Variants in SLFN14 observed in about 807,000 individuals in gnomAD.
The protein encoded by SLFN14 is schlafen family member 14, also known as protein SLFN14.
A neutral mutation model predicts 58.6 loss-of-function variants in SLFN14; 47 were observed. The observed-to-expected ratio is 0.80, with a 90% confidence interval of 0.64 to 1.02. SLFN14 has a LOEUF of 1.02. Among genes scored for constraint, SLFN14 ranks in the 50% least tolerant of loss-of-function variants. The pLI, the probability that SLFN14 is intolerant of heterozygous loss-of-function variation, is 0.00. For synonymous variants in SLFN14, 390 were observed against 387.3 expected, an observed-to-expected ratio of 1.01 and a Z score of -0.08; for missense variants, 967 against 1,078.4, an observed-to-expected ratio of 0.90 and a Z score of 1.45.
chr17:35,550,306 G>C (rs1396812283), intron 5 of SLFN14, among the ~76,000 whole-genome samples: 1 of 152,226 alleles, frequency 6.6e-6, no homozygotes, highest in South Asian at 2.1e-4. Context: ...AGCACTTTGC[G>C]AGAAGGAGGT....
chr17:35,560,179 A>G (rs999901487), intron 1 of SLFN14, among the ~76,000 whole-genome samples: 7 of 152,256 alleles, frequency 4.6e-5, no homozygotes, highest in African/African-American at 1.7e-4. Flanking sequence ...CCCACAAAAC[A>G]AATCTAATTG....
In SLFN14 at chr17:35,557,564, A is replaced by C; in HGVS notation, c.499T>G (p.Leu167Val). The C allele has an allele frequency of 6.4e-7, 1 of 1,551,612 alleles. No homozygotes were observed. The highest frequency in any genetic ancestry group is 1.2e-5 in the South Asian group (1 of 84,060). Residue 167 changes from leucine to valine, a missense_variant, in exon 3 of 6, where the codon TTG (leucine) becomes GTG (valine). Coordinates refer to ENST00000674182, the MANE Select transcript of SLFN14 (RefSeq NM_001129820.2). Reference protein sequence around the residue: ...AQRGRPRVKKLHPQQVLNRCI... With the variant: ...AQRGRPRVKKVHPQQVLNRCI... Reference sequence around the variant, plus strand: ...CTATTGAGAACCTGCTGAGGATGCAACTTCTTCACCCTTGGTCTTCCTCTT... The same window carrying C: ...CTATTGAGAACCTGCTGAGGATGCACCTTCTTCACCCTTGGTCTTCCTCTT...
chr17:35,550,030 C>T (rs987073854), intron 5 of SLFN14, among the ~76,000 whole-genome samples: 4 of 152,160 alleles, frequency 2.6e-5, no homozygotes, highest in African/African-American at 9.7e-5. Flanking sequence ...CTGGCGTCTA[C>T]CTCCTTTTCA....
rs1404889359 is a variant in SLFN14, at chr17:35,557,647, A to C, written c.416T>G (p.Ile139Ser). 1 of 1,551,708 alleles carries C rather than the reference A, an allele frequency of 6.4e-7. No homozygotes were observed. Among genetic ancestry groups the C allele is most frequent in the African/African-American group, 1.4e-5 (1 of 73,170 alleles). Reference protein sequence around the residue: ...NLYRRDVTSAINLSASSALEL... With the variant: ...NLYRRDVTSASNLSASSALEL... ...CAGGGCACTGCTAGCACTCAAGTTG[A>C]TAGCAGAAGTCACATCTCTCCGATA... The change falls in exon 3 of 6, where the codon ATC (isoleucine) becomes AGC (serine). Residue 139 changes from isoleucine (I) to serine (S), a missense_variant. By Grantham distance (142) the Ile-to-Ser change is moderately radical (BLOSUM62 -2). Transcript: ENST00000674182.
chr17:35,552,438 A>G (rs1219220543), intron 5 of SLFN14, among the ~76,000 whole-genome samples: 1 of 152,040 alleles, frequency 6.6e-6, no homozygotes, highest in African/African-American at 2.4e-5. Context: ...ACAAGAGGTA[A>G]AGAAATAGCC....
chr17:35,546,303 G>A lies in SLFN14; in HGVS notation c.*1936C>T, dbSNP rs568610688. ...AACTACCCTAAAGCCCCCAAGGAAAGGTAAAAAGGAAGAAACACCAGGTAA... is the reference window on the plus strand; with the variant it reads ...AACTACCCTAAAGCCCCCAAGGAAAAGTAAAAAGGAAGAAACACCAGGTAA... On this transcript the variant is annotated 3_prime_UTR_variant, in exon 6 of 6. Coordinates refer to ENST00000674182, the MANE Select transcript of SLFN14 (RefSeq NM_001129820.2). Among the ~76,000 whole-genome samples the A allele has an allele frequency of 7.9e-5, 12 of 152,150 alleles. No homozygotes were observed. The highest frequency in any genetic ancestry group is 1.3e-4 in the Non-Finnish European group (9 of 68,026).
chr17:35,548,184 G>T lies in SLFN14; in HGVS notation c.*55C>A. On this transcript the variant is annotated 3_prime_UTR_variant, in exon 6 of 6. Transcript: ENST00000674182. ...TATTAAAATGGAGTCACTGCTACCT[G>T]TCTAGGAGAAAGGACTCTGCTCTTC... 6.8e-7 allele frequency: 1 copy of T among 1,479,154 alleles called. No individual in the cohort carries two copies. The highest frequency in any genetic ancestry group is 9.1e-7 in the Non-Finnish European group (1 of 1,095,990). The allele number at this position is 1,479,154 out of a possible 1,614,324, so 91.6% of individuals were successfully genotyped here.
intron 5 of SLFN14, among the ~76,000 whole-genome samples, chr17:35,549,777 A>G (rs987345953): frequency 6.6e-6 from 1 of 152,202 alleles, no homozygotes; most frequent in African/African-American, 2.4e-5. Flanking sequence ...ATGATTTTAC[A>G]TATGCAGTTC....
rs1394571318 is a variant in SLFN14 at position 35,552,712 on chromosome 17, A to T, written c.1904+18T>A. The T allele has an allele frequency of 2.0e-6, 3 of 1,513,664 alleles. No individual in the cohort carries two copies. Among genetic ancestry groups the T allele is most frequent in the Non-Finnish European group, 2.7e-6 (3 of 1,124,372 alleles). 93.8% of individuals were successfully genotyped at this position (1,513,664 alleles called of 1,614,324 possible). The stretch of plus-strand genomic sequence containing the variant: ...CACATACATATTTTTGTGTGTGTGT[A>T]GTTGGTAAAACTCTTACGTCACAAA... On this transcript the variant is annotated intron_variant, in intron 5 of 5. Transcript: ENST00000674182.
At position 35,545,782 on chromosome 17, in the gene SLFN14, G is replaced by T. The variant is rs1267534436; in HGVS notation, c.*2457C>A. On this transcript the variant is annotated 3_prime_UTR_variant, in exon 6 of 6. Coordinates refer to ENST00000674182, the MANE Select transcript of SLFN14 (RefSeq NM_001129820.2). ...GCCTCTCAAAGTTCTGGTATTACAG[G>T]CACCAGCCACTGCACCCTGCCTGGA... Among the ~76,000 whole-genome samples, 2 of 152,090 alleles carry T rather than the reference G, an allele frequency of 1.3e-5. No homozygotes were observed. The highest frequency in any genetic ancestry group is 3.8e-4 in the East Asian group (2 of 5,196).
chr17:35,544,420 C>A lies in SLFN14; in HGVS notation c.*3819G>T, dbSNP rs989407035. Among the ~76,000 whole-genome samples, 2 of 151,652 alleles carry A rather than the reference C, an allele frequency of 1.3e-5. No homozygotes were observed. Among genetic ancestry groups the A allele is most frequent in the Non-Finnish European group, 2.9e-5 (2 of 67,968 alleles). On this transcript the variant is annotated 3_prime_UTR_variant, in exon 6 of 6. Coordinates refer to ENST00000674182, the MANE Select transcript of SLFN14 (RefSeq NM_001129820.2). Reference sequence around the variant, plus strand: ...CATATACGTTATAAAGTTGATGGCACAACTTGATCATAACTGTGTGAAAAT... The same window carrying A: ...CATATACGTTATAAAGTTGATGGCAAAACTTGATCATAACTGTGTGAAAAT...
In SLFN14 at chr17:35,545,402, T is replaced by C. The variant is rs1287938141; in HGVS notation, c.*2837A>G. 6.6e-6 allele frequency among the ~76,000 whole-genome samples: 1 copy of C among 152,120 alleles called. No individual in the cohort carries two copies. Among genetic ancestry groups the C allele is most frequent in the Admixed American group, 6.5e-5 (1 of 15,274 alleles). On this transcript the variant is annotated 3_prime_UTR_variant, in exon 6 of 6. Coordinates refer to ENST00000674182, the MANE Select transcript of SLFN14 (RefSeq NM_001129820.2). Reference sequence around the variant, plus strand: ...ACTCTCAAGGAGCTCACAGTCTTAATAGGAAGAGAAATGTGCACACATTTT... The same window carrying C: ...ACTCTCAAGGAGCTCACAGTCTTAACAGGAAGAGAAATGTGCACACATTTT...
chr17:35,547,635 A>G lies in SLFN14; in HGVS notation c.*604T>C, dbSNP rs936404965. Reference sequence around the variant, plus strand: ...CAAGAGACTGATCTAGACTTGGTACAAAAAGGCAATCAAGTTCTGGACCTG... The same window carrying G: ...CAAGAGACTGATCTAGACTTGGTACGAAAAGGCAATCAAGTTCTGGACCTG... On this transcript the variant is annotated 3_prime_UTR_variant, in exon 6 of 6. Coordinates refer to ENST00000674182, the MANE Select transcript of SLFN14 (RefSeq NM_001129820.2). Among the ~76,000 whole-genome samples, 3 of 152,228 alleles carry G rather than the reference A, an allele frequency of 2.0e-5. No individual in the cohort carries two copies. In the South Asian group the frequency reaches 6.2e-4, roughly 31 times the overall value.
At chr17:35,560,120 T>A (rs1315512533) in intron 1 of SLFN14, among the ~76,000 whole-genome samples, 1 of 152,232 alleles carries the variant, frequency 6.6e-6, no homozygotes, top group Non-Finnish European at 1.5e-5. Context: ...AGAAATGGTC[T>A]CCTTACTTTA....
At chr17:35,558,428 C>T (rs1378607519) in intron 2 of SLFN14, among the ~76,000 whole-genome samples, 1 of 151,656 alleles carries the variant, frequency 6.6e-6, no homozygotes, top group African/African-American at 2.4e-5. Flanking sequence ...CCAAGCCTGG[C>T]TAATTTTTTT....
chr17:35,548,318 T>A lies in SLFN14; in HGVS notation c.2660A>T (p.Glu887Val). ...AGCAAAGCAGAGCTTATGAAATTCC[T>A]CTGACTGGTCACATTCTGGACTAAG... ...FGLSPECDQS[E>V]EFHKLCFASR... Residue 887 changes from glutamate to valine, a missense_variant, in exon 6 of 6, where the codon GAG (glutamate) becomes GTG (valine). Transcript: ENST00000674182. 1 of 1,551,738 alleles carries A rather than the reference T, an allele frequency of 6.4e-7. No individual in the cohort carries two copies. The highest frequency in any genetic ancestry group is 8.7e-7 in the Non-Finnish European group (1 of 1,146,988).
chr17:35,544,402 G>A lies in SLFN14; in HGVS notation c.*3837C>T, dbSNP rs1413479066. Reference sequence around the variant, plus strand: ...TTAAATGGAAAAAGCACACATATACGTTATAAAGTTGATGGCACAACTTGA... The same window carrying A: ...TTAAATGGAAAAAGCACACATATACATTATAAAGTTGATGGCACAACTTGA... On this transcript the variant is annotated 3_prime_UTR_variant, in exon 6 of 6. Coordinates refer to ENST00000674182, the MANE Select transcript of SLFN14 (RefSeq NM_001129820.2). Among the ~76,000 whole-genome samples the A allele has an allele frequency of 1.1e-4, 15 of 132,286 alleles. 1 individual carries two copies. In the South Asian group the frequency reaches 1.5e-3, roughly 14 times the overall value. The allele number at this position is 132,286 out of a possible 152,430, so 86.8% of individuals were successfully genotyped here. A position where few individuals can be genotyped will look rare whatever the true frequency, so the allele number is the denominator to read the frequency against.
intron 4 of SLFN14, among the ~76,000 whole-genome samples, chr17:35,554,335 TATA>T (rs1313154439): frequency 6.8e-6 from 1 of 147,344 alleles, no homozygotes; most frequent in Non-Finnish European, 1.5e-5. Context: ...ATAATAATTA[TATA>T]ATAAATTAAT....
chr17:35,552,172 G>A (rs1438444019), intron 5 of SLFN14, among the ~76,000 whole-genome samples: 1 of 152,008 alleles, frequency 6.6e-6, no homozygotes. Flanking sequence ...CTCAACTGCA[G>A]AACCCCTACT....
Sources: gnomAD v4.1 joint callset for allele counts (sites outside exome capture counted in the v4.1 genomes callset) on GRCh38, gnomAD v4.1.1 for gene constraint, MANE v1.5 for transcripts, NCBI Gene and HGNC (gene_info 2026-07-23, HGNC 2026-07-21) for gene names.